Variants in NKAIN3 observed in about 807,000 individuals in gnomAD.
The protein encoded by NKAIN3 is sodium/potassium transporting ATPase interacting 3.
Under a neutral mutation model 30.2 loss-of-function variants are expected in NKAIN3, and 25 were observed. The ratio of observed to expected loss-of-function variants is 0.83; its 90% confidence interval spans 0.60 to 1.16. NKAIN3 has a LOEUF of 1.16. Ranked by LOEUF, NKAIN3 falls within the 50% of genes most tolerant of loss-of-function variation. The pLI, the probability that NKAIN3 is intolerant of heterozygous loss-of-function variation, is 0.00. For synonymous variants in NKAIN3, 91 were observed against 89.6 expected (o/e 1.02, Z -0.09); for missense variants, 225 against 254.1 (o/e 0.89, Z 0.78).
chr8:62,626,243 T>C (rs1329237082), intron 3 of NKAIN3, among the ~76,000 whole-genome samples: 2 of 152,086 alleles, frequency 1.3e-5, no homozygotes, highest in African/African-American at 2.4e-5. Flanking sequence ...TCAACTCCCA[T>C]TGATTTTCAC....
chr8:62,272,434 T>G (rs1032708598), intron 1 of NKAIN3, among the ~76,000 whole-genome samples: 1 of 152,162 alleles, frequency 6.6e-6, no homozygotes, highest in African/African-American at 2.4e-5. Flanking sequence ...ATATCCCCAA[T>G]GAGAAGCAGT....
intron 1 of NKAIN3, among the ~76,000 whole-genome samples, chr8:62,266,607 T>G (rs1188307390): frequency 6.6e-6 from 1 of 152,216 alleles, no homozygotes; most frequent in Non-Finnish European, 1.5e-5. Context: ...TGGCTCCATC[T>G]GAGTCAGGAG....
rs184334980 is a variant in NKAIN3 at position 62,324,501 on chromosome 8, C to G, written c.54+75374C>G. Among the ~76,000 whole-genome samples the G allele has an allele frequency of 5.3e-5, 8 of 152,184 alleles. No individual in the cohort carries two copies. The East Asian group carries it at 1.5e-3, about 29-fold the overall frequency. ...AACCAAGATTGATTTCATTTTAAGGCACAAACAATGGATTGAATTAATAAG... is the reference window on the plus strand; with the variant it reads ...AACCAAGATTGATTTCATTTTAAGGGACAAACAATGGATTGAATTAATAAG... On this transcript the variant is annotated intron_variant, in intron 1 of 6. Coordinates refer to ENST00000623646, the MANE Select transcript of NKAIN3 (RefSeq NM_001304533.3).
chr8:62,618,089 C>T (rs375448392), intron 3 of NKAIN3, among the ~76,000 whole-genome samples: 3 of 152,186 alleles, frequency 2.0e-5, no homozygotes, highest in South Asian at 2.1e-4. Context: ...GGCCATTCCA[C>T]GTGCTGCATT....
chr8:62,861,296 TGAA>T (rs946128375), intron 4 of NKAIN3, among the ~76,000 whole-genome samples: 3 of 152,170 alleles, frequency 2.0e-5, no homozygotes, highest in African/African-American at 7.2e-5. Flanking sequence ...TCGAGCTGGG[TGAA>T]AACACCATGA....
At chr8:62,891,909 G>A (rs570663160) in intron 4 of NKAIN3, among the ~76,000 whole-genome samples, 3 of 152,144 alleles carry the variant, frequency 2.0e-5, no homozygotes, top group South Asian at 4.1e-4. Context: ...TGAATGATGA[G>A]ACTAAAGTAG....
At chr8:62,334,345 G>A (rs1815459850) in intron 1 of NKAIN3, among the ~76,000 whole-genome samples, 1 of 151,974 alleles carries the variant, frequency 6.6e-6, no homozygotes, top group Non-Finnish European at 1.5e-5. Context: ...GTAATCCTTG[G>A]CATTCCTTGG....
At chr8:62,607,809 T>C (rs1811173044) in intron 3 of NKAIN3, among the ~76,000 whole-genome samples, 1 of 152,152 alleles carries the variant, frequency 6.6e-6, no homozygotes, top group South Asian at 2.1e-4. Context: ...AAATACTGTG[T>C]CTCATATTTA....
chr8:62,548,179 A>G (rs1319323011), intron 1 of NKAIN3, among the ~76,000 whole-genome samples: 1 of 152,224 alleles, frequency 6.6e-6, no homozygotes, highest in Non-Finnish European at 1.5e-5. Flanking sequence ...CAAAAAGGTG[A>G]TCTATATTTC....
At chr8:62,454,358 GA>G (rs941802751) in intron 1 of NKAIN3, among the ~76,000 whole-genome samples, 3 of 130,046 alleles carry the variant, frequency 2.3e-5, no homozygotes, top group African/African-American at 8.2e-5. Flanking sequence ...GAAAGTTTTT[GA>G]ATTTGTGTTG....
chr8:62,802,408 A>C (rs1818100332), intron 4 of NKAIN3, among the ~76,000 whole-genome samples: 1 of 152,250 alleles, frequency 6.6e-6, no homozygotes. Context: ...CCGTCAGACT[A>C]ACAGTGGATC....
At chr8:62,611,870 T>C (rs1424410234) in intron 3 of NKAIN3, among the ~76,000 whole-genome samples, 1 of 152,140 alleles carries the variant, frequency 6.6e-6, no homozygotes, top group Non-Finnish European at 1.5e-5. Context: ...TTTAAATTGT[T>C]CTCCATAATG....
intron 4 of NKAIN3, among the ~76,000 whole-genome samples, chr8:62,872,070 G>A (rs1820662480): frequency 1.3e-5 from 2 of 152,180 alleles, no homozygotes; most frequent in Non-Finnish European, 2.9e-5. Flanking sequence ...ACTTACCATT[G>A]TGTTCCATCT....
At chr8:62,314,962 G>T (rs192263797) in intron 1 of NKAIN3, among the ~76,000 whole-genome samples, 19 of 152,254 alleles carry the variant, frequency 1.2e-4, no homozygotes, top group Non-Finnish European at 2.4e-4. Flanking sequence ...GAGATGATTT[G>T]TCCAGTGTGC....
chr8:62,475,203 T>G (rs890985952), intron 1 of NKAIN3, among the ~76,000 whole-genome samples: 1 of 152,204 alleles, frequency 6.6e-6, no homozygotes, highest in African/African-American at 2.4e-5. Flanking sequence ...TAACACAGTT[T>G]TCATGATGTT....
chr8:62,774,640 T>G (rs371807862), intron 4 of NKAIN3, among the ~76,000 whole-genome samples: 1 of 152,206 alleles, frequency 6.6e-6, no homozygotes, highest in African/African-American at 2.4e-5. Context: ...ATAGAATGCT[T>G]TCTCAGCATA....
rs562977648 is a variant in NKAIN3, at chr8:62,466,350, T to G, written c.55-113189T>G. ...CCAATTTTTCTCCAAAATATGTGAT[T>G]TACGTTTCCTTAATTTCATTAAAGA... On this transcript the variant is annotated intron_variant, in intron 1 of 6. Coordinates refer to ENST00000623646, the MANE Select transcript of NKAIN3 (RefSeq NM_001304533.3). Among the ~76,000 whole-genome samples, 8 of 152,328 alleles carry G rather than the reference T, an allele frequency of 5.3e-5. No homozygotes were observed. The South Asian group carries it at 1.7e-3, about 32-fold the overall frequency.
chr8:62,663,810 G>A (rs181721396), intron 3 of NKAIN3, among the ~76,000 whole-genome samples: 87 of 152,280 alleles, frequency 5.7e-4, no homozygotes, highest in South Asian at 2.5e-3. Context: ...AATGAGTCCA[G>A]TTAACCATGT....
intron 3 of NKAIN3, among the ~76,000 whole-genome samples, chr8:62,696,482 A>G (rs1814157977): frequency 6.6e-6 from 1 of 152,320 alleles, no homozygotes; most frequent in East Asian, 1.9e-4. Flanking sequence ...GATTCTAATT[A>G]TATCTCGGAC....
Sources: gnomAD v4.1 joint callset for allele counts (sites outside exome capture counted in the v4.1 genomes callset) on GRCh38, gnomAD v4.1.1 for gene constraint, MANE v1.5 for transcripts, NCBI Gene and HGNC (gene_info 2026-07-23, HGNC 2026-07-21) for gene names.